NTM: variants seen among roughly 807,000 people sequenced by gnomAD.
NTM encodes neurotrimin, also known as IgLON family member 2.
A neutral mutation model predicts 42.1 loss-of-function variants in NTM; 13 were observed. That is an observed-to-expected ratio of 0.31 (90% CI 0.20 to 0.49). NTM has a LOEUF of 0.49. Ranked by LOEUF, NTM falls within the 20% of genes least tolerant of loss-of-function variation. The pLI is 0.99. For missense variants in NTM, 373 were observed against 452.8 expected (o/e 0.82, Z 1.60); for synonymous variants, 187 against 179.2 (o/e 1.04, Z -0.35).
chr11:131,670,050 C>G (rs2069842627), intron 1 of NTM, among the ~76,000 whole-genome samples: 1 of 152,164 alleles, frequency 6.6e-6, no homozygotes, highest in Admixed American at 6.5e-5. Flanking sequence ...ACTGGCAACT[C>G]TTGGTAATGA....
chr11:131,981,916 G>T (rs2065299599), intron 2 of NTM, among the ~76,000 whole-genome samples: 2 of 152,068 alleles, frequency 1.3e-5, no homozygotes, highest in Admixed American at 6.6e-5. Context: ...GGACGCTGAG[G>T]CAGGATAATT....
chr11:131,701,386 C>T (rs923236267), intron 1 of NTM, among the ~76,000 whole-genome samples: 2 of 152,314 alleles, frequency 1.3e-5, no homozygotes, highest in African/African-American at 2.4e-5. Flanking sequence ...TCCTTTTCTC[C>T]TCCAATCACT....
At chr11:131,810,150 CT>C (rs2092678681) in intron 1 of NTM, among the ~76,000 whole-genome samples, 2 of 152,138 alleles carry the variant, frequency 1.3e-5, no homozygotes, top group African/African-American at 4.8e-5. Flanking sequence ...TAACTTTCTC[CT>C]TTGTTCTACT....
At chr11:131,667,540 C>T (rs1275835812) in intron 1 of NTM, among the ~76,000 whole-genome samples, 1 of 152,192 alleles carries the variant, frequency 6.6e-6, no homozygotes, top group African/African-American at 2.4e-5. Flanking sequence ...GCAGGTGATA[C>T]ACCTTCTTTT....
intron 1 of NTM, among the ~76,000 whole-genome samples, chr11:131,439,977 C>T (rs1949478860): frequency 6.9e-6 from 1 of 144,842 alleles, no homozygotes; most frequent in African/African-American, 2.5e-5. Flanking sequence ...CTCCTTTGTA[C>T]TTAATACATT....
intron 3 of NTM, among the ~76,000 whole-genome samples, chr11:132,170,396 A>G (rs770741624): frequency 1.3e-5 from 2 of 152,164 alleles, no homozygotes; most frequent in African/African-American, 2.4e-5. Context: ...GCAACTAACT[A>G]CCTATTCATC....
rs529204844 is a variant in NTM at position 131,671,926 on chromosome 11, G to C, written c.83-239638G>C. 2.3e-4 allele frequency among the ~76,000 whole-genome samples: 35 copies of C among 152,260 alleles called. No individual in the cohort carries two copies. In the East Asian group the frequency reaches 6.4e-3, roughly 28 times the overall value. ...AGGTGCTTGGCTCCGGGACAAAGAGGCCTCTGTCCCGGCTCCACCTGAGAG... is the reference window on the plus strand; with the variant it reads ...AGGTGCTTGGCTCCGGGACAAAGAGCCCTCTGTCCCGGCTCCACCTGAGAG... On this transcript the variant is annotated intron_variant, in intron 1 of 8. Transcript: ENST00000683400.
At chr11:131,917,310 G>C (rs188328913) in intron 2 of NTM, among the ~76,000 whole-genome samples, 6 of 152,282 alleles carry the variant, frequency 3.9e-5, no homozygotes, top group Admixed American at 3.3e-4. Context: ...CCTTGCCTTG[G>C]GCATGTTACT....
At position 131,649,920 on chromosome 11, in the gene NTM, C is replaced by A. The variant is rs117835450; in HGVS notation, c.83-261644C>A. Reference sequence around the variant, plus strand: ...CGATCTATTCAATTCTAATGACCTGCCCATAGGTCAACAGTGGTGCCAGGG... The same window carrying A: ...CGATCTATTCAATTCTAATGACCTGACCATAGGTCAACAGTGGTGCCAGGG... On this transcript the variant is annotated intron_variant, in intron 1 of 8. Transcript: ENST00000683400. Among the ~76,000 whole-genome samples, 1,204 of 152,288 alleles carry A rather than the reference C, an allele frequency of 7.9e-3. 7 individuals carry two copies. Among genetic ancestry groups the A allele is most frequent in the Middle Eastern group, 0.014 (4 of 294 alleles).
chr11:131,619,746 T>C (rs186447268), intron 1 of NTM, among the ~76,000 whole-genome samples: 226 of 151,556 alleles, frequency 1.5e-3, no homozygotes, highest in African/African-American at 5.3e-3. Context: ...GTAGAAAAAA[T>C]GTAACAGATA....
At chr11:131,902,796 C>T (rs1162019979) in intron 1 of NTM, among the ~76,000 whole-genome samples, 1 of 152,206 alleles carries the variant, frequency 6.6e-6, no homozygotes, top group African/African-American at 2.4e-5. Flanking sequence ...CCCAATTACA[C>T]TCTTGCTGCC....
chr11:131,844,234 G>A (rs1303306112), intron 1 of NTM, among the ~76,000 whole-genome samples: 1 of 152,150 alleles, frequency 6.6e-6, no homozygotes, highest in African/African-American at 2.4e-5. Flanking sequence ...GGCCTTGGGA[G>A]CATTTGTTGA....
intron 1 of NTM, among the ~76,000 whole-genome samples, chr11:131,511,680 A>T (rs2136464510): frequency 6.6e-6 from 1 of 152,320 alleles, no homozygotes. Flanking sequence ...GAATGATGGG[A>T]TTATTGTCTT....
intron 2 of NTM, among the ~76,000 whole-genome samples, chr11:132,042,783 T>G (rs1259240814): frequency 6.6e-6 from 1 of 152,222 alleles, no homozygotes; most frequent in Non-Finnish European, 1.5e-5. Flanking sequence ...CTAGATTACT[T>G]TTTTAATTAA....
At chr11:131,920,918 C>G (rs1343126338) in intron 2 of NTM, among the ~76,000 whole-genome samples, 1 of 152,116 alleles carries the variant, frequency 6.6e-6, no homozygotes, top group East Asian at 1.9e-4. Flanking sequence ...CAAACGGCCT[C>G]TAATGTGCTG....
intron 1 of NTM, among the ~76,000 whole-genome samples, chr11:131,373,481 G>A (rs1232803837): frequency 1.3e-5 from 2 of 152,034 alleles, no homozygotes; most frequent in Non-Finnish European, 2.9e-5. Context: ...CTTAGGTAGG[G>A]AGGGGGGTTT....
intron 2 of NTM, among the ~76,000 whole-genome samples, chr11:132,143,753 C>A (rs2069689327): frequency 6.6e-6 from 1 of 152,138 alleles, no homozygotes; most frequent in Non-Finnish European, 1.5e-5. Flanking sequence ...AAGCAAGCTG[C>A]AAAGTGTGTT....
chr11:132,034,967 A>T (rs10894489), intron 2 of NTM, among the ~76,000 whole-genome samples: 54,169 of 152,046 alleles, frequency 0.36, 10,693 homozygotes, highest in East Asian at 0.78. Context: ...GTCTCCTAGC[A>T]TCTTGATTAT....
intron 4 of NTM, among the ~76,000 whole-genome samples, chr11:132,255,892 G>A (rs772459279): frequency 6.6e-6 from 1 of 152,030 alleles, no homozygotes; most frequent in Non-Finnish European, 1.5e-5. Context: ...GGTCTCGGTT[G>A]CACATCTTCA....
Sources: gnomAD v4.1 joint callset for allele counts (sites outside exome capture counted in the v4.1 genomes callset) on GRCh38, gnomAD v4.1.1 for gene constraint, MANE v1.5 for transcripts, NCBI Gene and HGNC (gene_info 2026-07-23, HGNC 2026-07-21) for gene names.